The following MTSS1 variants were observed in gnomAD, a reference collection of about 807,000 sequenced individuals.
The protein encoded by MTSS1 is protein MTSS 1.
In MTSS1, 18 loss-of-function variants were observed where a neutral mutation model predicts 79.0. That is an observed-to-expected ratio of 0.23 (90% CI 0.16 to 0.34). The LOEUF (loss-of-function observed/expected upper bound fraction) is 0.34, where lower values mean the gene tolerates loss of function less well. Ranked by LOEUF, MTSS1 falls within the 10% of genes least tolerant of loss-of-function variation. MTSS1 has a pLI of 1.00. For synonymous variants in MTSS1, 341 were observed against 368.6 expected (o/e 0.93, Z 0.86); for missense variants, 815 against 986.2 (o/e 0.83, Z 2.33).
intron 2 of MTSS1, among the ~76,000 whole-genome samples, chr8:124,703,093 G>A (rs1182580929): frequency 6.6e-6 from 1 of 151,926 alleles, no homozygotes; most frequent in Non-Finnish European, 1.5e-5. Flanking sequence ...TAAATTTGGA[G>A]TTGCACAATC....
intron 3 of MTSS1, among the ~76,000 whole-genome samples, chr8:124,669,283 T>C (rs59544841): frequency 0.032 from 4,867 of 152,298 alleles, 257 homozygotes; most frequent in African/African-American, 0.11. Flanking sequence ...CCTGAGAAAC[T>C]GTGTAGGTGT....
intron 6 of MTSS1, chr8:124,568,792 C>A (rs769106482): frequency 2.1e-5 from 31 of 1,447,828 alleles, no homozygotes; most frequent in Non-Finnish European, 2.5e-5. Flanking sequence ...CTCTTCATGA[C>A]TTGCCTTCTC....
chr8:124,688,400 T>C (rs1004286674), intron 3 of MTSS1, among the ~76,000 whole-genome samples: 48 of 151,992 alleles, frequency 3.2e-4, no homozygotes, highest in African/African-American at 1.1e-3. Flanking sequence ...TGTGTATATG[T>C]GTATGTGTGT....
intron 1 of MTSS1, among the ~76,000 whole-genome samples, chr8:124,706,181 C>T (rs1830362952): frequency 6.6e-6 from 1 of 151,174 alleles, no homozygotes; most frequent in African/African-American, 2.5e-5. Flanking sequence ...ATATACTTCC[C>T]TAGCTGTCAA....
intron 3 of MTSS1, among the ~76,000 whole-genome samples, chr8:124,615,425 G>A (rs866337124): frequency 6.6e-6 from 1 of 152,220 alleles, no homozygotes; most frequent in African/African-American, 2.4e-5. Flanking sequence ...CTCCAACACT[G>A]GATGAGCTCT....
At chr8:124,613,031 A>G (rs1215506297) in intron 3 of MTSS1, among the ~76,000 whole-genome samples, 2 of 152,154 alleles carry the variant, frequency 1.3e-5, no homozygotes, top group Non-Finnish European at 2.9e-5. Flanking sequence ...AGGATGGCCT[A>G]TTTCCTGAAG....
rs2135043271 is a variant in MTSS1, at chr8:124,683,820, T to C, written c.208+15706A>G. On this transcript the variant is annotated intron_variant, in intron 3 of 13. Transcript: ENST00000518547. The surrounding 1 kb of genome is among the most constrained non-coding windows in gnomAD (Gnocchi z 4.5). ...CAGTTGCAGCCTCTTCCAGTGTCAATAAGAGAAGTTACCAAGTGGATGGTG... is the reference window on the plus strand; with the variant it reads ...CAGTTGCAGCCTCTTCCAGTGTCAACAAGAGAAGTTACCAAGTGGATGGTG... 6.6e-6 allele frequency among the ~76,000 whole-genome samples: 1 copy of C among 152,208 alleles called. No individual in the cohort carries two copies. The highest frequency in any genetic ancestry group is 2.1e-4 in the South Asian group (1 of 4,818).
intron 3 of MTSS1, among the ~76,000 whole-genome samples, chr8:124,632,790 T>G (rs1259042628): frequency 2.6e-5 from 4 of 152,126 alleles, no homozygotes; most frequent in Non-Finnish European, 5.9e-5. Context: ...GCCTCAGCCT[T>G]CCAAGTAGCT....
intron 3 of MTSS1, among the ~76,000 whole-genome samples, chr8:124,604,890 C>A (rs942646869): frequency 2.6e-5 from 4 of 152,186 alleles, no homozygotes; most frequent in Admixed American, 6.5e-5. Context: ...CACCATCTGG[C>A]GGCTTCAGAC....
chr8:124,618,713 T>A (rs1812883379), intron 3 of MTSS1, among the ~76,000 whole-genome samples: 1 of 152,196 alleles, frequency 6.6e-6, no homozygotes, highest in African/African-American at 2.4e-5. Context: ...CAGCTCTCCA[T>A]AATGTAGCTG....
chr8:124,590,460 C>T (rs1238800240), intron 4 of MTSS1, among the ~76,000 whole-genome samples: 1 of 152,104 alleles, frequency 6.6e-6, no homozygotes, highest in Non-Finnish European at 1.5e-5. Context: ...GTATGCACAG[C>T]CTGGAGAAAG....
Position 124,728,058 on chromosome 8 carries a change from C to A in MTSS1, c.-103G>T. 2.1e-6 allele frequency: 2 copies of A among 952,526 alleles called. No homozygotes were observed. Among genetic ancestry groups the A allele is most frequent in the Non-Finnish European group, 3.2e-6 (2 of 626,778 alleles). The allele number at this position is 952,526 out of a possible 1,614,324, so 59.0% of individuals were successfully genotyped here. Reference sequence around the variant, plus strand: ...GAAGGAATTTCACCTTCCGAGAGACCCACCTCGGACTCGCAGCCTCTTCTG... The same window carrying A: ...GAAGGAATTTCACCTTCCGAGAGACACACCTCGGACTCGCAGCCTCTTCTG... On this transcript the variant is annotated 5_prime_UTR_variant, in exon 1 of 14. Coordinates refer to ENST00000518547, the MANE Select transcript of MTSS1 (RefSeq NM_014751.6). This position sits in a 1 kb window ranked among gnomAD's most constrained non-coding sequence, Gnocchi z 6.1.
intron 10 of MTSS1, 147 bp from the exon 11 acceptor site, chr8:124,558,022 GGAT>G: frequency 1.5e-6 from 1 of 649,536 alleles, no homozygotes. Context: ...TGCTGCTCAC[GGAT>G]GATCTGTGAT....
intron 3 of MTSS1, among the ~76,000 whole-genome samples, chr8:124,689,712 C>G (rs35999087): frequency 0.27 from 39,817 of 145,562 alleles, 5,693 homozygotes; most frequent in Admixed American, 0.36. Flanking sequence ...CACCATTGCA[C>G]TCCAGCCTGG....
chr8:124,662,526 C>T (rs1822246727), intron 3 of MTSS1, among the ~76,000 whole-genome samples: 1 of 152,110 alleles, frequency 6.6e-6, no homozygotes. Flanking sequence ...ACCTGGAGAG[C>T]CTTTCCCCAA....
chr8:124,673,079 A>C (rs1256705885), intron 3 of MTSS1: 1 of 152,144 alleles, frequency 6.6e-6, no homozygotes, highest in Non-Finnish European at 1.5e-5. Flanking sequence ...TCGCTGGACT[A>C]GTGCACTATG....
intron 3 of MTSS1, among the ~76,000 whole-genome samples, chr8:124,607,471 A>G (rs537138910): frequency 2.0e-5 from 3 of 152,340 alleles, no homozygotes; most frequent in Admixed American, 1.3e-4. Flanking sequence ...TGATCTAAAC[A>G]GAGTTTTTAA....
chr8:124,560,507 C>G (rs916926806), intron 10 of MTSS1, among the ~76,000 whole-genome samples: 6 of 152,220 alleles, frequency 3.9e-5, no homozygotes, highest in African/African-American at 1.4e-4. Context: ...TAAAATTAGC[C>G]AAGCATGGTG....
Position 124,727,914 on chromosome 8 carries a change from G to A in MTSS1, c.42C>T (p.Gly14=). 1 of 1,610,160 alleles carries A rather than the reference G, an allele frequency of 6.2e-7. No homozygotes were observed. Among genetic ancestry groups the A allele is most frequent in the Non-Finnish European group, 8.5e-7 (1 of 1,178,630 alleles). ...TGTCGCTGATGATGGTCTGGAAGAG[G>A]CCTCCGAGCGCGCTGCATTCCTTCT... is the stretch of plus-strand genomic sequence containing the variant. ...VIEKECSALG[G]LFQTIISDMK... is the part of the protein sequence containing the mutation. The change falls in exon 1 of 14, where the codon GGC becomes GGT. Residue 14 remains glycine (G), a synonymous_variant. Transcript: ENST00000518547. This position sits in a 1 kb window ranked among gnomAD's most constrained non-coding sequence, Gnocchi z 4.7.
Sources: allele counts gnomAD v4.1 joint callset (sites outside exome capture counted in the v4.1 genomes callset), GRCh38; gene constraint gnomAD v4.1.1; non-coding constraint Gnocchi (gnomAD v3.1); transcripts MANE v1.5; gene names NCBI Gene and HGNC (gene_info 2026-07-23, HGNC 2026-07-21).